The following TRHDE variants were observed in gnomAD, a reference collection of about 807,000 sequenced individuals.
The protein encoded by TRHDE is thyrotropin-releasing hormone-degrading ectoenzyme.
A neutral mutation model predicts 125.7 loss-of-function variants in TRHDE; 72 were observed. The observed-to-expected ratio is 0.57, with a 90% confidence interval of 0.47 to 0.70. The LOEUF is 0.70. Among genes scored for constraint, TRHDE ranks in the 30% least tolerant of loss-of-function variants. The pLI is 0.00. For missense variants in TRHDE, 1,110 were observed against 1,327.1 expected (o/e 0.84, Z 2.54); for synonymous variants, 509 against 509.1 (o/e 1.00, Z 0.00).
chr12:72,361,145 T>G (rs1871056921), intron 2 of TRHDE, among the ~76,000 whole-genome samples: 1 of 151,826 alleles, frequency 6.6e-6, no homozygotes, highest in Non-Finnish European at 1.5e-5. Flanking sequence ...CTGTTTCTCC[T>G]TTTACTTCTT....
chr12:72,587,580 G>A (rs1001181266), intron 12 of TRHDE, among the ~76,000 whole-genome samples: 41 of 151,962 alleles, frequency 2.7e-4, no homozygotes, highest in African/African-American at 9.6e-4. Context: ...TTTAGCCTCA[G>A]AAAGACATCT....
chr12:72,258,097 A>T (rs1454591164), intron 2 of TRHDE: 1 of 152,122 alleles, frequency 6.6e-6, no homozygotes, highest in Non-Finnish European at 1.5e-5. Flanking sequence ...ACTATTTGTC[A>T]TGGGGATAAG....
intron 5 of TRHDE, among the ~76,000 whole-genome samples, chr12:72,478,385 C>G (rs1049175688): frequency 1.3e-5 from 2 of 152,158 alleles, no homozygotes; most frequent in African/African-American, 4.8e-5. Flanking sequence ...TTTCCTTTCT[C>G]TGTTCCCTCC....
intron 3 of TRHDE, among the ~76,000 whole-genome samples, chr12:72,409,017 C>A (rs1873384352): frequency 6.6e-6 from 1 of 152,110 alleles, no homozygotes; most frequent in African/African-American, 2.4e-5. Flanking sequence ...AGAACAAATA[C>A]TAGTCTATGG....
intron 2 of TRHDE, among the ~76,000 whole-genome samples, chr12:72,173,699 A>G (rs957204299): frequency 3.3e-5 from 5 of 152,330 alleles, no homozygotes; most frequent in African/African-American, 1.2e-4. Context: ...GGGACAAAAA[A>G]GTCCCATATG....
chr12:72,265,447 A>G (rs1879045456), intron 2 of TRHDE, among the ~76,000 whole-genome samples: 1 of 151,958 alleles, frequency 6.6e-6, no homozygotes, highest in African/African-American at 2.4e-5. Flanking sequence ...CTGAAATTAA[A>G]GAGGTATGGA....
chr12:72,388,108 C>T (rs1460480628), intron 3 of TRHDE, among the ~76,000 whole-genome samples: 2 of 152,024 alleles, frequency 1.3e-5, no homozygotes, highest in African/African-American at 4.8e-5. Flanking sequence ...CGCTGTTTCT[C>T]CAACAGGCCA....
chr12:72,184,640 G>GT (rs890486507), intron 2 of TRHDE, among the ~76,000 whole-genome samples: 34 of 151,854 alleles, frequency 2.2e-4, no homozygotes, highest in African/African-American at 8.0e-4. Flanking sequence ...CCTGTTCCCT[G>GT]TTTTTTTCCC....
chr12:72,513,221 A>G (rs1291540882), intron 6 of TRHDE, among the ~76,000 whole-genome samples: 1 of 152,080 alleles, frequency 6.6e-6, no homozygotes. Flanking sequence ...TATTTTTGAA[A>G]TATTTAAGAA....
At chr12:72,317,072 C>T (rs536815838) in intron 2 of TRHDE, among the ~76,000 whole-genome samples, 1 of 152,274 alleles carries the variant, frequency 6.6e-6, no homozygotes, top group Non-Finnish European at 1.5e-5. Flanking sequence ...TTTTAGTTTT[C>T]ACAACAATTC....
chr12:72,251,388 G>A (rs1878680529), intron 2 of TRHDE, among the ~76,000 whole-genome samples: 1 of 147,768 alleles, frequency 6.8e-6, no homozygotes, highest in Admixed American at 6.8e-5. Context: ...TGCAGAAGTA[G>A]AATCATAGAG....
At chr12:72,508,175 C>T (rs532319736) in intron 6 of TRHDE, among the ~76,000 whole-genome samples, 17 of 152,302 alleles carry the variant, frequency 1.1e-4, no homozygotes, top group African/African-American at 4.1e-4. Flanking sequence ...GGGGTTAGAG[C>T]CCCCACACAG....
chr12:72,634,415 A>T (rs546194925), intron 15 of TRHDE, among the ~76,000 whole-genome samples: 48 of 152,004 alleles, frequency 3.2e-4, no homozygotes, highest in Non-Finnish European at 5.6e-4. Context: ...CAAGATTTGG[A>T]ATATTTTCTT....
chr12:72,099,552 C>T (rs183219355), intron 1 of TRHDE, among the ~76,000 whole-genome samples: 95 of 152,080 alleles, frequency 6.2e-4, no homozygotes, highest in African/African-American at 2.0e-3. Flanking sequence ...TATTATGCTT[C>T]GACTCAGCTA....
intron 15 of TRHDE, among the ~76,000 whole-genome samples, chr12:72,650,123 C>A (rs1395153606): frequency 1.3e-5 from 2 of 152,070 alleles, no homozygotes; most frequent in African/African-American, 4.8e-5. Flanking sequence ...GATGTGGAAA[C>A]AATCTAAATG....
chr12:72,125,617 G>T (rs1875695460), intron 2 of TRHDE, among the ~76,000 whole-genome samples: 1 of 152,026 alleles, frequency 6.6e-6, no homozygotes, highest in African/African-American at 2.4e-5. Context: ...TTCTTTAAAA[G>T]TATATAGTAT....
At chr12:72,122,848 T>C (rs1034802393) in intron 2 of TRHDE, among the ~76,000 whole-genome samples, 1 of 152,122 alleles carries the variant, frequency 6.6e-6, no homozygotes, top group African/African-American at 2.4e-5. Context: ...TTAAAAAATA[T>C]ATTTAAATAC....
chr12:72,486,946 CAAG>C (rs1877437937), intron 5 of TRHDE, among the ~76,000 whole-genome samples: 1 of 151,780 alleles, frequency 6.6e-6, no homozygotes, highest in African/African-American at 2.4e-5. Flanking sequence ...AGGAGTTAAA[CAAG>C]AAGAGATAGA....
chr12:72,510,232 T>C (rs2135946877), intron 6 of TRHDE, among the ~76,000 whole-genome samples: 1 of 152,328 alleles, frequency 6.6e-6, no homozygotes, highest in Non-Finnish European at 1.5e-5. Flanking sequence ...CAGTTACATA[T>C]ATACTAACAA....
Sources: gnomAD v4.1 joint callset for allele counts (sites outside exome capture counted in the v4.1 genomes callset) on GRCh38, gnomAD v4.1.1 for gene constraint, MANE v1.5 for transcripts, NCBI Gene and HGNC (gene_info 2026-07-23, HGNC 2026-07-21) for gene names.